The following TSPEAR variants were observed in gnomAD, a reference collection of about 807,000 sequenced individuals.
TSPEAR encodes thrombospondin-type laminin G domain and EAR repeat-containing protein.
In TSPEAR, 69 loss-of-function variants were observed where a neutral mutation model predicts 71.6. The observed-to-expected ratio is 0.96, with a 90% confidence interval of 0.79 to 1.18. The LOEUF is 1.18. TSPEAR is among the 50% of genes most tolerant of loss of function. The pLI, the probability that TSPEAR is intolerant of heterozygous loss-of-function variation, is 0.00. For synonymous variants in TSPEAR, 402 were observed against 387.2 expected (o/e 1.04, Z -0.45); for missense variants, 971 against 894.9 (o/e 1.09, Z -1.09).
At chr21:44,589,501 T>A (rs139421862) in intron 1 of TSPEAR, among the ~76,000 whole-genome samples, 132 of 152,354 alleles carry the variant, frequency 8.7e-4, no homozygotes, top group African/African-American at 3.2e-3. Flanking sequence ...CTGAGGTAGA[T>A]GCCTAGAACT....
chr21:44,704,652 C>A (rs1275002397), intron 1 of TSPEAR, among the ~76,000 whole-genome samples: 3 of 152,202 alleles, frequency 2.0e-5, no homozygotes, highest in South Asian at 4.1e-4. Context: ...GAGCAGAGGT[C>A]TCTCCAGGAT....
rs185311302 is a variant in TSPEAR at position 44,558,749 on chromosome 21, G to A, written c.303+9036C>T. On this transcript the variant is annotated intron_variant, in intron 2 of 11. Coordinates refer to ENST00000323084, the MANE Select transcript of TSPEAR (RefSeq NM_144991.3). ...GGGGAGGAGGTGAGCTGGGGGAGAC[G>A]TGAGTGAGTGAGTGTGGGAGTGAGT... 4.0e-4 allele frequency: 625 copies of A among 1,558,530 alleles called. 1 individual carries two copies. The African/African-American group carries it at 6.1e-3, about 15-fold the overall frequency.
chr21:44,659,367 ACTGATACACCCTAAGCACAAGCG>A (rs879954909), intron 1 of TSPEAR, among the ~76,000 whole-genome samples: 17,620 of 82,324 alleles, frequency 0.21, 1,448 homozygotes, highest in Admixed American at 0.23. Flanking sequence ...AAGCACAAGC[ACTGATACACCCTAAGCACAAGCG>A]GTTGGTGCAC....
At chr21:44,565,606 A>C (rs1245131984) in intron 2 of TSPEAR, among the ~76,000 whole-genome samples, 1 of 152,216 alleles carries the variant, frequency 6.6e-6, no homozygotes, top group Non-Finnish European at 1.5e-5. Flanking sequence ...ACAGAATAAA[A>C]AACAAAAATA....
intron 1 of TSPEAR, among the ~76,000 whole-genome samples, chr21:44,645,722 G>A (rs1984289744): frequency 6.6e-6 from 1 of 152,072 alleles, no homozygotes; most frequent in Non-Finnish European, 1.5e-5. Context: ...CCATGTTTAT[G>A]TTTTAAGATG....
At chr21:44,503,500 AG>A (rs1265451695) in intron 11 of TSPEAR, among the ~76,000 whole-genome samples, 1 of 123,372 alleles carries the variant, frequency 8.1e-6, no homozygotes, top group Non-Finnish European at 1.7e-5. Flanking sequence ...CTCTGGGAGG[AG>A]GCCGGCCTTG....
intron 8 of TSPEAR, among the ~76,000 whole-genome samples, chr21:44,523,055 C>A (rs1555914470): frequency 6.6e-6 from 1 of 151,896 alleles, no homozygotes; most frequent in African/African-American, 2.4e-5. Flanking sequence ...GTTTGTCAGT[C>A]AGCCAGGTAG....
In TSPEAR at chr21:44,695,465, T is replaced by G. The variant is rs1761833100; in HGVS notation, c.82+15968A>C. 6.6e-6 allele frequency among the ~76,000 whole-genome samples: 1 copy of G among 152,098 alleles called. No homozygotes were observed. Among genetic ancestry groups the G allele is most frequent in the South Asian group, 2.1e-4 (1 of 4,818 alleles). On this transcript the variant is annotated intron_variant, in intron 1 of 11. Coordinates refer to ENST00000323084, the MANE Select transcript of TSPEAR (RefSeq NM_144991.3). The surrounding 1 kb of genome is among the most constrained non-coding windows in gnomAD (Gnocchi z 4.5). Reference sequence around the variant, plus strand: ...GCTGGTCCTCCCTCCCTTGGGCCTCTCCCTGGCCATGCCCCAACCTGGCTC... The same window carrying G: ...GCTGGTCCTCCCTCCCTTGGGCCTCGCCCTGGCCATGCCCCAACCTGGCTC...
intron 2 of TSPEAR, among the ~76,000 whole-genome samples, chr21:44,543,747 G>C (rs2053258709): frequency 6.6e-6 from 1 of 152,208 alleles, no homozygotes; most frequent in African/African-American, 2.4e-5. Context: ...CCAGAAGCTA[G>C]AAGGAGCAAG....
chr21:44,634,199 T>C (rs913306062), intron 1 of TSPEAR, among the ~76,000 whole-genome samples: 4 of 152,200 alleles, frequency 2.6e-5, no homozygotes, highest in African/African-American at 7.2e-5. Flanking sequence ...CAATGAGTTA[T>C]GATTGTGCCA....
chr21:44,594,600 G>T lies in TSPEAR; in HGVS notation c.83-26595C>A, dbSNP rs587709807. ...CAGGTCGTATGTTACATGCATGTTT[G>T]TTCAGTTCCTCCTTCGTGAATATTC... On this transcript the variant is annotated intron_variant, in intron 1 of 11. Coordinates refer to ENST00000323084, the MANE Select transcript of TSPEAR (RefSeq NM_144991.3). Among the ~76,000 whole-genome samples, 27 of 152,254 alleles carry T rather than the reference G, an allele frequency of 1.8e-4. No homozygotes were observed. In the South Asian group the frequency reaches 1.9e-3, roughly 11 times the overall value.
chr21:44,657,884 A>C, intron 1 of TSPEAR: 2 of 1,177,994 alleles, frequency 1.7e-6, no homozygotes, highest in Non-Finnish European at 2.5e-6. Flanking sequence ...TTTTTGTGTT[A>C]CCCAGATGAC....
chr21:44,508,515 C>T (rs374453950), intron 10 of TSPEAR: 36 of 1,090,310 alleles, frequency 3.3e-5, no homozygotes, highest in East Asian at 2.8e-4. Flanking sequence ...AATACGGATT[C>T]GATTGCAGGT....
chr21:44,592,371 T>A (rs1980023932), intron 1 of TSPEAR: 1 of 1,530,254 alleles, frequency 6.5e-7, no homozygotes, highest in Non-Finnish European at 8.8e-7. Context: ...AGCAGCTCTC[T>A]GGGCAGTCGT....
In TSPEAR at chr21:44,509,312, G is replaced by C; in HGVS notation, c.1641C>G (p.Ser547Arg). ...RIFLAVANSH[S>R]YDVEMQVQND... ...TCTGGACTTGCATCTCCACATCGTA[G>C]CTGTGACTGTTTGCCACAGCGAGGA... Residue 547 changes from serine (S) to arginine (R), a missense_variant, in exon 10 of 12, where the codon AGC becomes AGG. Coordinates refer to ENST00000323084, the MANE Select transcript of TSPEAR (RefSeq NM_144991.3). 6.2e-7 allele frequency: 1 copy of C among 1,614,038 alleles called. No homozygotes were observed. The highest frequency in any genetic ancestry group is 1.3e-5 in the African/African-American group (1 of 74,996).
At chr21:44,657,051 C>G (rs1415813230) in intron 1 of TSPEAR, among the ~76,000 whole-genome samples, 3 of 152,134 alleles carry the variant, frequency 2.0e-5, no homozygotes, top group Non-Finnish European at 4.4e-5. Context: ...ATTCCTGCCT[C>G]CCCTGGACAT....
At chr21:44,511,961 G>A (rs1555912770) in intron 9 of TSPEAR, among the ~76,000 whole-genome samples, 3 of 152,100 alleles carry the variant, frequency 2.0e-5, no homozygotes, top group African/African-American at 7.3e-5. Flanking sequence ...CCTGGAACGG[G>A]CTGCTGCAGA....
rs782647709 is a variant in TSPEAR, at chr21:44,573,795, C to T, written c.83-5790G>A. On this transcript the variant is annotated intron_variant, in intron 1 of 11. Coordinates refer to ENST00000323084, the MANE Select transcript of TSPEAR (RefSeq NM_144991.3). The stretch of plus-strand genomic sequence containing the variant: ...CTCCAGCGACCTGAGCTACAGCAGC[C>T]GCGTCTGCCTTCCTGGTTCCTGTGA... 78 of 1,614,144 alleles carry T rather than the reference C, an allele frequency of 4.8e-5. No individual in the cohort carries two copies. Among genetic ancestry groups the T allele is most frequent in the South Asian group, 2.1e-4 (19 of 91,078 alleles).
intron 1 of TSPEAR, chr21:44,702,363 C>CT: frequency 6.2e-7 from 1 of 1,609,418 alleles, no homozygotes; most frequent in East Asian, 2.2e-5. Flanking sequence ...TGTCCAGCCC[C>CT]TGCTGCCAGG....
Sources: allele counts gnomAD v4.1 joint callset (sites outside exome capture counted in the v4.1 genomes callset), GRCh38; gene constraint gnomAD v4.1.1; non-coding constraint Gnocchi (gnomAD v3.1); transcripts MANE v1.5; gene names NCBI Gene and HGNC (gene_info 2026-07-23, HGNC 2026-07-21).